The following FGF13 variants were observed in gnomAD, a reference collection of about 807,000 sequenced individuals.
FGF13 encodes fibroblast growth factor homologous factor 2.
Under a neutral mutation model 19.5 loss-of-function variants are expected in FGF13, and 2 were observed. The observed-to-expected ratio is 0.10, with a 90% confidence interval of 0.04 to 0.32. The LOEUF (loss-of-function observed/expected upper bound fraction) is 0.32, where lower values mean the gene tolerates loss of function less well. FGF13 is among the 10% of genes least tolerant of loss of function. The probability of loss-of-function intolerance (pLI) is 1.00; values close to 1 mark genes in which losing one functional copy is unlikely to be tolerated. For synonymous variants in FGF13, 72 were observed against 76.9 expected, an observed-to-expected ratio of 0.94 and a Z score of 0.33; for missense variants, 113 against 192.7, an observed-to-expected ratio of 0.59 and a Z score of 2.45.
rs2089017185 is a variant in FGF13, at chrX:138,621,741, A to C, written c.*11109T>G. 9.0e-6 allele frequency: 1 copy of C among 111,522 alleles called. No individual in the cohort carries two copies. Among genetic ancestry groups the C allele is most frequent in the Admixed American group, 9.6e-5 (1 of 10,456 alleles). The allele number at this position is 111,522 out of a possible 1,213,427, so 9.2% of individuals were successfully genotyped here. A position where few individuals can be genotyped will look rare whatever the true frequency, so the allele number is the denominator to read the frequency against. ...GAAAGAGAAAAGACATAAACAAATA[A>C]AATCAGAAATGAAAGAGAAGACATT... On this transcript the variant is annotated 3_prime_UTR_variant, in exon 5 of 5. Coordinates refer to ENST00000315930, the MANE Select transcript of FGF13 (RefSeq NM_004114.5).
intron 1 of FGF13, among the ~76,000 whole-genome samples, chrX:138,903,993 A>G (rs2091545083): frequency 9.0e-6 from 1 of 111,349 alleles, no homozygotes; most frequent in African/African-American, 3.3e-5. Context: ...GTATAAATGG[A>G]TAGAGATTGA....
intron 1 of FGF13, among the ~76,000 whole-genome samples, chrX:139,096,534 G>A (rs1198123975): frequency 8.9e-6 from 1 of 111,933 alleles, no homozygotes; most frequent in African/African-American, 3.2e-5. Context: ...GCTGGAGCTA[G>A]ATCATAAAGG....
At chrX:138,847,709 G>A (rs916723118) in intron 3 of FGF13, among the ~76,000 whole-genome samples, 1 of 112,224 alleles carries the variant, frequency 8.9e-6, no homozygotes, top group African/African-American at 3.2e-5. Flanking sequence ...AGTTTAAAAT[G>A]CTAGGAATGA....
intron 3 of FGF13, among the ~76,000 whole-genome samples, chrX:138,691,746 G>A (rs771498942): frequency 3.6e-5 from 4 of 111,811 alleles, no homozygotes; most frequent in African/African-American, 9.7e-5. Flanking sequence ...AAAAGGAGGT[G>A]TTATATATCC....
intron 1 of FGF13, among the ~76,000 whole-genome samples, chrX:138,946,656 A>C (rs2091783115): frequency 8.9e-6 from 1 of 112,180 alleles, no homozygotes; most frequent in East Asian, 2.8e-4. Context: ...TAAATGATGC[A>C]ACAGCAGGAA....
chrX:139,134,433 C>T (rs1214254684), intron 1 of FGF13, among the ~76,000 whole-genome samples: 1 of 111,538 alleles, frequency 9.0e-6, no homozygotes, highest in Non-Finnish European at 1.9e-5. Flanking sequence ...CTTCATGGAA[C>T]GCCTTTCTCC....
intron 1 of FGF13, among the ~76,000 whole-genome samples, chrX:138,939,299 A>G (rs2091747038): frequency 8.9e-6 from 1 of 112,311 alleles, no homozygotes; most frequent in Admixed American, 9.4e-5. Flanking sequence ...GCCCTAAGTC[A>G]AATGATTTCT....
intron 1 of FGF13, among the ~76,000 whole-genome samples, chrX:139,151,737 AT>A (rs1258715391): frequency 8.9e-6 from 1 of 112,189 alleles, no homozygotes; most frequent in African/African-American, 3.2e-5. Flanking sequence ...TTTTAAGTAA[AT>A]AAATTAAATT....
intron 3 of FGF13, among the ~76,000 whole-genome samples, chrX:138,664,141 GC>G (rs749872345): frequency 9.0e-6 from 1 of 111,611 alleles, no homozygotes; most frequent in South Asian, 3.8e-4. Context: ...GCCTGTTTTG[GC>G]TCAATGGTAC....
At chrX:138,910,750 A>G (rs1421502099) in intron 1 of FGF13, among the ~76,000 whole-genome samples, 1 of 112,435 alleles carries the variant, frequency 8.9e-6, no homozygotes, top group African/African-American at 3.2e-5. Flanking sequence ...AAAATTTATA[A>G]TATACCAACT....
intron 3 of FGF13, among the ~76,000 whole-genome samples, chrX:138,674,748 G>A (rs1188834485): frequency 9.0e-6 from 1 of 111,459 alleles, no homozygotes; most frequent in African/African-American, 3.3e-5. Flanking sequence ...TACTGATGAT[G>A]ACAGTCTAAG....
chrX:138,714,968 G>C (rs2090087983), upstream of FGF13, among the ~76,000 whole-genome samples: 1 of 111,426 alleles, frequency 9.0e-6, no homozygotes, highest in Non-Finnish European at 1.9e-5. Flanking sequence ...CTCCAGTTTT[G>C]ATTTGTTCCT....
At chrX:138,984,544 A>G (rs1433263641) in intron 1 of FGF13, among the ~76,000 whole-genome samples, 3 of 34,144 alleles carry the variant, frequency 8.8e-5, no homozygotes, top group Admixed American at 3.2e-4. Flanking sequence ...AAGAAGAAGA[A>G]GAAGAAGAAG....
chrX:138,868,087 T>G (rs1054889932), intron 1 of FGF13, among the ~76,000 whole-genome samples: 4 of 111,682 alleles, frequency 3.6e-5, no homozygotes, highest in African/African-American at 9.8e-5. Context: ...TGTCTGAAAT[T>G]TCATGAAAAT....
At position 138,897,803 on chromosome X, in the gene FGF13, T is replaced by A. The variant is rs146253922; in HGVS notation, c.-112-33153A>T. Among the ~76,000 whole-genome samples, 502 of 111,526 alleles carry A rather than the reference T, an allele frequency of 4.5e-3. 4 individuals carry two copies. The highest frequency in any genetic ancestry group is 0.016 in the African/African-American group (480 of 30,697). On this transcript the variant is annotated intron_variant, in intron 1 of 2. Transcript: ENST00000421460. ...TTGCATGATCAGCCATGGCAATTTG[T>A]CATAAGAATGCACTTCACAGCCTGG...
At chrX:138,847,228 A>G (rs2091189069) in intron 3 of FGF13, among the ~76,000 whole-genome samples, 1 of 111,610 alleles carries the variant, frequency 9.0e-6, no homozygotes, top group Admixed American at 9.5e-5. Context: ...TGGTGAAGTG[A>G]CTTACTCTTT....
intron 3 of FGF13, among the ~76,000 whole-genome samples, chrX:138,658,958 G>C (rs960343902): frequency 9.0e-6 from 1 of 111,437 alleles, no homozygotes; most frequent in Non-Finnish European, 1.9e-5. Context: ...ACCTGTATAA[G>C]TCAAAATATG....
chrX:138,816,286 T>C (rs1177142060), intron 3 of FGF13, among the ~76,000 whole-genome samples: 1 of 111,859 alleles, frequency 8.9e-6, no homozygotes, highest in Non-Finnish European at 1.9e-5. Flanking sequence ...AAAACTACAC[T>C]GATAACTAGT....
At chrX:139,103,881 T>C (rs1467662787) in intron 1 of FGF13, among the ~76,000 whole-genome samples, 1 of 111,385 alleles carries the variant, frequency 9.0e-6, no homozygotes, top group Non-Finnish European at 1.9e-5. Flanking sequence ...GGCAGGCTCC[T>C]TGTGCCTTCT....
Sources: allele counts gnomAD v4.1 joint callset (sites outside exome capture counted in the v4.1 genomes callset), GRCh38; gene constraint gnomAD v4.1.1; transcripts MANE v1.5; gene names NCBI Gene and HGNC (gene_info 2026-07-23, HGNC 2026-07-21).